ESRRG: variants seen among roughly 807,000 people sequenced by gnomAD.
ESRRG encodes estrogen related receptor gamma.
Under a neutral mutation model 44.0 loss-of-function variants are expected in ESRRG, and 13 were observed. The observed-to-expected ratio is 0.30, with a 90% CI of 0.19 to 0.47. The LOEUF (loss-of-function observed/expected upper bound fraction) is 0.47. ESRRG is among the 20% of genes least tolerant of loss of function. The probability of loss-of-function intolerance (pLI) is 1.00; values close to 1 mark genes in which losing one functional copy is unlikely to be tolerated. For synonymous variants in ESRRG, 215 were observed against 214.6 expected (o/e 1.00, Z -0.02); for missense variants, 395 against 580.6 (o/e 0.68, Z 3.29).
At chr1:216,646,477 C>T (rs1035994976) in intron 3 of ESRRG, among the ~76,000 whole-genome samples, 9 of 152,028 alleles carry the variant, frequency 5.9e-5, no homozygotes, top group Non-Finnish European at 1.0e-4. Context: ...TAGGCTAAAG[C>T]GAGTTAGTCT....
At chr1:216,929,007 A>G (rs1280905371) in intron 2 of ESRRG, among the ~76,000 whole-genome samples, 5 of 152,216 alleles carry the variant, frequency 3.3e-5, no homozygotes, top group African/African-American at 1.2e-4. Context: ...TGAGATGATG[A>G]AAAATATCTA....
chr1:216,677,877 A>G lies in ESRRG; in HGVS notation c.57-386T>C, dbSNP rs529895444. Among the ~76,000 whole-genome samples the G allele has an allele frequency of 7.9e-5, 12 of 152,326 alleles. No homozygotes were observed. In the East Asian group the frequency reaches 1.2e-3, roughly 15 times the overall value. On this transcript the variant is annotated intron_variant, in intron 1 of 6. Transcript: ENST00000408911. ...TCAACTCTAGATTCTAAATTTATCA[A>G]TGGAAGAGGTGGTGATTTGCAAAGT...
intron 1 of ESRRG, among the ~76,000 whole-genome samples, chr1:216,692,002 T>A (rs2079130729): frequency 6.6e-6 from 1 of 152,202 alleles, no homozygotes; most frequent in Non-Finnish European, 1.5e-5. Context: ...GCACATATAA[T>A]TATGTACAGT....
At chr1:216,614,823 AGCATAAAC>A (rs1228151285) in intron 3 of ESRRG, among the ~76,000 whole-genome samples, 1 of 152,228 alleles carries the variant, frequency 6.6e-6, no homozygotes, top group Non-Finnish European at 1.5e-5. Flanking sequence ...AAGGAACCAA[AGCATAAAC>A]AGCGAAGGGA....
At chr1:216,778,985 ACT>A (rs925244905) in intron 2 of ESRRG, among the ~76,000 whole-genome samples, 1 of 149,104 alleles carries the variant, frequency 6.7e-6, no homozygotes, top group Non-Finnish European at 1.5e-5. Flanking sequence ...TCACTCATCA[ACT>A]CTGTTATGTC....
intron 2 of ESRRG, among the ~76,000 whole-genome samples, chr1:216,822,811 T>C (rs890592030): frequency 5.3e-5 from 8 of 152,228 alleles, no homozygotes; most frequent in Admixed American, 1.3e-4. Flanking sequence ...CTCAGTATTA[T>C]TTGGAACCTT....
chr1:217,011,540 A>G (rs1285060044), intron 1 of ESRRG, among the ~76,000 whole-genome samples: 1 of 152,246 alleles, frequency 6.6e-6, no homozygotes, highest in Non-Finnish European at 1.5e-5. Flanking sequence ...GCCTACATGC[A>G]AAGCATTTGC....
chr1:216,514,586 C>T (rs1302050444), intron 6 of ESRRG, among the ~76,000 whole-genome samples: 1 of 152,032 alleles, frequency 6.6e-6, no homozygotes, highest in African/African-American at 2.4e-5. Flanking sequence ...ATTTAGGCTC[C>T]CAGATGTGAA....
chr1:216,746,322 A>T (rs938827601), intron 2 of ESRRG, among the ~76,000 whole-genome samples: 1 of 152,186 alleles, frequency 6.6e-6, no homozygotes, highest in Non-Finnish European at 1.5e-5. Flanking sequence ...AGCAATGTAT[A>T]ATAGAGGAGG....
intron 3 of ESRRG, among the ~76,000 whole-genome samples, chr1:216,648,759 TCAATA>T (rs1312028752): frequency 6.6e-6 from 1 of 152,118 alleles, no homozygotes; most frequent in Non-Finnish European, 1.5e-5. Flanking sequence ...CAATACCACA[TCAATA>T]CAAGTGTTCA....
At chr1:216,612,432 T>C (rs2060801556) in intron 3 of ESRRG, among the ~76,000 whole-genome samples, 1 of 152,200 alleles carries the variant, frequency 6.6e-6, no homozygotes. Flanking sequence ...GATTAGCTGA[T>C]ATCTTGGGTT....
intron 3 of ESRRG, among the ~76,000 whole-genome samples, chr1:216,634,666 G>A (rs1287187566): frequency 6.6e-6 from 1 of 152,142 alleles, no homozygotes; most frequent in Non-Finnish European, 1.5e-5. Flanking sequence ...CGTCCACCCA[G>A]CGAGCAGACT....
At chr1:216,646,402 T>C (rs1281131483) in intron 3 of ESRRG, among the ~76,000 whole-genome samples, 3 of 152,136 alleles carry the variant, frequency 2.0e-5, no homozygotes, top group African/African-American at 4.8e-5. Flanking sequence ...CTACATTAAA[T>C]CTCTTGGTCT....
At chr1:217,019,228 A>G (rs996652399) in intron 1 of ESRRG, among the ~76,000 whole-genome samples, 6 of 152,350 alleles carry the variant, frequency 3.9e-5, no homozygotes, top group African/African-American at 1.4e-4. Context: ...CAAGAAATAC[A>G]AAGCATTTAA....
At chr1:216,715,344 A>G in intron 1 of ESRRG, 1 of 534,420 alleles carries the variant, frequency 1.9e-6, no homozygotes, top group Non-Finnish European at 2.4e-6. Flanking sequence ...GTTCTCACCA[A>G]CCATATACAT....
chr1:216,994,796 G>A (rs1209924833), intron 1 of ESRRG, among the ~76,000 whole-genome samples: 1 of 151,650 alleles, frequency 6.6e-6, no homozygotes, highest in African/African-American at 2.4e-5. Flanking sequence ...CTGTGTTACC[G>A]GGATGGTCTC....
intron 1 of ESRRG, among the ~76,000 whole-genome samples, chr1:217,006,123 T>G (rs138595599): frequency 3.3e-5 from 5 of 152,280 alleles, no homozygotes; most frequent in East Asian, 1.9e-4. Context: ...TTTGGCTTAT[T>G]ATCAGACTTC....
At chr1:216,890,076 G>T (rs1165220477) in intron 2 of ESRRG, among the ~76,000 whole-genome samples, 1 of 151,898 alleles carries the variant, frequency 6.6e-6, no homozygotes, top group Non-Finnish European at 1.5e-5. Flanking sequence ...ACCAGCTTGG[G>T]GAACATGGGA....
chr1:217,100,260 C>T (rs2092490615), intron 1 of ESRRG, among the ~76,000 whole-genome samples: 1 of 152,130 alleles, frequency 6.6e-6, no homozygotes, highest in African/African-American at 2.4e-5. Context: ...ATTTCATTCC[C>T]AAGCCAACTT....
Sources: gnomAD v4.1 joint callset for allele counts (sites outside exome capture counted in the v4.1 genomes callset) on GRCh38, gnomAD v4.1.1 for gene constraint, MANE v1.5 for transcripts, NCBI Gene and HGNC (gene_info 2026-07-23, HGNC 2026-07-21) for gene names.